The following NRP1 variants were observed in gnomAD, a reference collection of about 807,000 sequenced individuals.
The protein encoded by NRP1 is neuropilin 1.
A neutral mutation model predicts 106.7 loss-of-function variants in NRP1; 35 were observed. That is an observed-to-expected ratio of 0.33 (90% confidence interval 0.25 to 0.43). The LOEUF (loss-of-function observed/expected upper bound fraction) is 0.43, where lower values mean the gene tolerates loss of function less well. Ranked by LOEUF, NRP1 falls within the 20% of genes least tolerant of loss-of-function variation. The probability of loss-of-function intolerance (pLI) is 1.00; values close to 1 mark genes in which losing one functional copy is unlikely to be tolerated. For synonymous variants in NRP1, 437 were observed against 417.9 expected (o/e 1.05, Z -0.56); for missense variants, 1,024 against 1,170.4 (o/e 0.87, Z 1.83).
rs80002527 is a variant in NRP1, at chr10:33,196,008, A to C, written c.1924+1642T>G. On this transcript the variant is annotated intron_variant, in intron 12 of 16. Transcript: ENST00000374867. ...GTGACAGGACCGACTGGCCCCTCTG[A>C]GAAGCCATCCCTTGAGTGACCTTGA... is the stretch of plus-strand genomic sequence containing the variant. Among the ~76,000 whole-genome samples the C allele has an allele frequency of 4.8e-3, 726 of 152,220 alleles. 9 individuals carry two copies. The highest frequency in any genetic ancestry group is 0.016 in the African/African-American group (664 of 41,532).
intron 3 of NRP1, among the ~76,000 whole-genome samples, chr10:33,267,377 G>A (rs1213562386): frequency 6.6e-6 from 1 of 152,204 alleles, no homozygotes; most frequent in Admixed American, 6.5e-5. Flanking sequence ...GGCATTTGGA[G>A]TTAGTGAACA....
chr10:33,286,690 G>T (rs1844589335), intron 2 of NRP1, among the ~76,000 whole-genome samples: 1 of 152,120 alleles, frequency 6.6e-6, no homozygotes, highest in South Asian at 2.1e-4. Flanking sequence ...AACTTATTCT[G>T]CTGACTTTTC....
intron 13 of NRP1, among the ~76,000 whole-genome samples, chr10:33,188,921 A>ATATATG (rs1836212521): frequency 7.1e-6 from 1 of 140,838 alleles, no homozygotes; most frequent in Non-Finnish European, 1.5e-5. Context: ...ATATATATAT[A>ATATATG]TATATATATA....
At position 33,180,070 on chromosome 10, in the gene NRP1, C is replaced by T. The variant is rs187774080; in HGVS notation, c.*6G>A. The T allele has an allele frequency of 1.9e-4, 308 of 1,613,060 alleles. 1 individual carries two copies. The East Asian group carries it at 6.8e-3, about 36-fold the overall frequency. On this transcript the variant is annotated 3_prime_UTR_variant, in exon 17 of 17. Transcript: ENST00000374867. ...CCTTTGACTGTCTTTTCATCTCTGTCTGCCTTCATGCCTCCGAATAAGTAC... is the reference window on the plus strand; with the variant it reads ...CCTTTGACTGTCTTTTCATCTCTGTTTGCCTTCATGCCTCCGAATAAGTAC...
chr10:33,254,357 G>A (rs1031665405), intron 5 of NRP1, among the ~76,000 whole-genome samples, 163 bp from the exon 6 acceptor site: 2 of 152,056 alleles, frequency 1.3e-5, no homozygotes, highest in Non-Finnish European at 2.9e-5. Context: ...GGATTTTCAT[G>A]GCAATATTTA....
chr10:33,198,555 T>C (rs1275736073), intron 11 of NRP1, among the ~76,000 whole-genome samples: 1 of 151,946 alleles, frequency 6.6e-6, no homozygotes, highest in Non-Finnish European at 1.5e-5. Context: ...AGACGACGCA[T>C]GGCACACAAT....
intron 2 of NRP1, among the ~76,000 whole-genome samples, chr10:33,309,971 G>C (rs1307956571): frequency 2.0e-5 from 3 of 148,222 alleles, no homozygotes; most frequent in Non-Finnish European, 4.5e-5. Flanking sequence ...TTTTTGAGAC[G>C]GAGTCTCGCT....
intron 15 of NRP1, among the ~76,000 whole-genome samples, chr10:33,184,268 G>A (rs559825763): frequency 5.3e-5 from 8 of 152,224 alleles, no homozygotes; most frequent in South Asian, 2.1e-4. Flanking sequence ...CTCCTGCCTC[G>A]GCCTCCCAAA....
chr10:33,256,595 T>C lies in NRP1; in HGVS notation c.659-124A>G, dbSNP rs542096430. ...AGTGTTTTCTAACCCAAAGCAAGGC[T>C]TCCCTAAGTTAATTGGTTTGCTGTG... On this transcript the variant is annotated intron_variant, in intron 4 of 16. Coordinates refer to ENST00000374867, the MANE Select transcript of NRP1 (RefSeq NM_003873.7). 2.1e-4 allele frequency: 211 copies of C among 1,008,566 alleles called. 2 individuals are homozygous for C. The South Asian group carries it at 3.2e-3, about 15-fold the overall frequency. The allele number at this position is 1,008,566 out of a possible 1,614,324, so 62.5% of individuals were successfully genotyped here.
intron 7 of NRP1, 39 bp from the exon 8 acceptor site, chr10:33,221,902 T>C (rs1220150915): frequency 6.3e-7 from 1 of 1,580,204 alleles, no homozygotes; most frequent in Non-Finnish European, 8.7e-7. Context: ...TAGCAGAGGT[T>C]TTGGATTTAA....
At chr10:33,306,384 G>GTGTGTGTGTT (rs1333396690) in intron 2 of NRP1, among the ~76,000 whole-genome samples, 1 of 151,478 alleles carries the variant, frequency 6.6e-6, no homozygotes, top group Non-Finnish European at 1.5e-5. Flanking sequence ...GTGTGTGTGT[G>GTGTGTGTGTT]TGCACGCTCC....
intron 9 of NRP1, chr10:33,211,449 C>G (rs558177540): frequency 1.3e-5 from 2 of 152,292 alleles, no homozygotes; most frequent in East Asian, 3.9e-4. Flanking sequence ...TCCCCCCAAA[C>G]AAGGCACAAA....
chr10:33,217,378 A>T (rs1588748974), intron 8 of NRP1, among the ~76,000 whole-genome samples: 1 of 69,798 alleles, frequency 1.4e-5, no homozygotes, highest in Non-Finnish European at 3.0e-5. Flanking sequence ...CTGCCTCATT[A>T]AAAAAAAAAA....
intron 2 of NRP1, among the ~76,000 whole-genome samples, chr10:33,317,985 T>G (rs1207850688): frequency 6.6e-6 from 1 of 152,250 alleles, no homozygotes; most frequent in East Asian, 1.9e-4. Context: ...AGTCTGAACT[T>G]ATTTAAGGAA....
At position 33,294,617 on chromosome 10, in the gene NRP1, C is replaced by CAAAAA. The variant is rs11403961; in HGVS notation, c.249-23766_249-23762dup. ...GGACAACAAGAGTGAAACTCCGTCTCAAAAAAAAAAAAAAAAAATCTATGT... is the reference window on the plus strand; with the variant it reads ...GGACAACAAGAGTGAAACTCCGTCTCAAAAAAAAAAAAAAAAAAAAAAATCTATGT... On this transcript the variant is annotated intron_variant, in intron 2 of 16. Coordinates refer to ENST00000374867, the MANE Select transcript of NRP1 (RefSeq NM_003873.7). 1.8e-5 allele frequency among the ~76,000 whole-genome samples: 2 copies of CAAAAA among 112,048 alleles called. 1 individual carries two copies. Among genetic ancestry groups the CAAAAA allele is most frequent in the Admixed American group, 1.9e-4 (2 of 10,756 alleles). 73.5% of individuals were successfully genotyped at this position (112,048 alleles called of 152,430 possible). A position where few individuals can be genotyped will look rare whatever the true frequency, so the allele number is the denominator to read the frequency against.
intron 1 of NRP1, 22 bp downstream of exon 1, chr10:33,334,288 C>T (rs1414897025): frequency 2.6e-6 from 4 of 1,536,044 alleles, no homozygotes; most frequent in East Asian, 2.5e-5. Flanking sequence ...CGCTGTCACC[C>T]GCGCCTCTGC....
chr10:33,315,869 A>G (rs1846995271), intron 2 of NRP1, among the ~76,000 whole-genome samples: 1 of 152,200 alleles, frequency 6.6e-6, no homozygotes, highest in Admixed American at 6.5e-5. Flanking sequence ...CCTGTGAAGG[A>G]AACATCCTAT....
chr10:33,213,121 C>T, intron 9 of NRP1: 1 of 914,468 alleles, frequency 1.1e-6, no homozygotes, highest in Non-Finnish European at 1.6e-6. Context: ...TCCCCGTCTC[C>T]TGTCTGCATG....
intron 11 of NRP1, chr10:33,201,561 A>G (rs1264232753): frequency 6.6e-6 from 1 of 152,174 alleles, no homozygotes; most frequent in Admixed American, 6.5e-5. Flanking sequence ...TTTTTATATC[A>G]GTGGTTGAGT....
Sources: gnomAD v4.1 joint callset for allele counts (sites outside exome capture counted in the v4.1 genomes callset) on GRCh38, gnomAD v4.1.1 for gene constraint, MANE v1.5 for transcripts, NCBI Gene and HGNC (gene_info 2026-07-23, HGNC 2026-07-21) for gene names.